Variants in COG5 observed in about 807,000 individuals in gnomAD.
COG5 encodes conserved oligomeric Golgi complex subunit 5.
In COG5, 86 loss-of-function variants were observed where a neutral mutation model predicts 110.4. That is an observed-to-expected ratio of 0.78 (90% CI 0.65 to 0.93). The LOEUF (loss-of-function observed/expected upper bound fraction) is 0.93, where lower values mean the gene tolerates loss of function less well. Ranked by LOEUF, COG5 falls within the 40% of genes least tolerant of loss-of-function variation. COG5 has a pLI of 0.00. For synonymous variants in COG5, 360 were observed against 334.6 expected (o/e 1.08, Z -0.83); for missense variants, 1,077 against 987.0 (o/e 1.09, Z -1.22).
chr7:107,514,341 C>G (rs1240251589), intron 6 of COG5, among the ~76,000 whole-genome samples: 1 of 118,028 alleles, frequency 8.5e-6, no homozygotes, highest in Non-Finnish European at 1.5e-5. Flanking sequence ...CACACACACA[C>G]ACACACACAC....
chr7:107,297,682 A>C (rs2116912933), intron 12 of COG5, among the ~76,000 whole-genome samples: 1 of 152,038 alleles, frequency 6.6e-6, no homozygotes, highest in South Asian at 2.1e-4. Context: ...CTCCTGACCT[A>C]GTGATCCACT....
At chr7:107,548,013 C>T (rs1359194227) in intron 5 of COG5, 98 bp downstream of exon 5, 14 of 975,048 alleles carry the variant, frequency 1.4e-5, no homozygotes, top group African/African-American at 4.9e-5. Context: ...CTTCTGTTCC[C>T]ATTCTCTTAC....
chr7:107,520,310 A>G (rs1800235110), intron 6 of COG5, among the ~76,000 whole-genome samples: 2 of 152,222 alleles, frequency 1.3e-5, no homozygotes, highest in South Asian at 4.1e-4. Flanking sequence ...AGCAGGCAAC[A>G]GAAAGAAATA....
At chr7:107,487,490 C>T (rs1034722155) in intron 6 of COG5, among the ~76,000 whole-genome samples, 4 of 151,902 alleles carry the variant, frequency 2.6e-5, no homozygotes, top group East Asian at 3.9e-4. Context: ...TGTGAGGCAC[C>T]GTGCCTGGCT....
intron 6 of COG5, among the ~76,000 whole-genome samples, chr7:107,459,100 A>C (rs1310819835): frequency 1.3e-5 from 2 of 152,098 alleles, no homozygotes; most frequent in African/African-American, 4.8e-5. Flanking sequence ...TGTAACCCTA[A>C]CCATATGAAA....
intron 19 of COG5, among the ~76,000 whole-genome samples, chr7:107,213,530 C>T (rs1799317918): frequency 6.6e-6 from 1 of 152,234 alleles, no homozygotes; most frequent in South Asian, 2.1e-4. Flanking sequence ...CAGGGAAATA[C>T]ACTTTGTGAC....
At chr7:107,476,168 T>C (rs573566533) in intron 6 of COG5, among the ~76,000 whole-genome samples, 4 of 90,824 alleles carry the variant, frequency 4.4e-5, no homozygotes, top group Admixed American at 1.3e-4. Context: ...TCTGGATTAA[T>C]ATAGTGCAAT....
chr7:107,393,819 G>A (rs541128687), intron 7 of COG5, among the ~76,000 whole-genome samples: 1 of 152,208 alleles, frequency 6.6e-6, no homozygotes, highest in South Asian at 2.1e-4. Flanking sequence ...CTTCTCTTTG[G>A]ATAATCAATA....
intron 12 of COG5, among the ~76,000 whole-genome samples, chr7:107,285,290 G>C (rs1218183316): frequency 1.3e-5 from 2 of 152,130 alleles, no homozygotes; most frequent in Non-Finnish European, 2.9e-5. Context: ...CTCTGTTGAA[G>C]TCCGAGCCAT....
intron 13 of COG5, among the ~76,000 whole-genome samples, chr7:107,283,091 C>T (rs1383287976): frequency 2.0e-5 from 3 of 152,136 alleles, no homozygotes; most frequent in African/African-American, 7.2e-5. Flanking sequence ...AGGATATCTT[C>T]CCTTTTTAGT....
At chr7:107,544,238 GA>G (rs1233643562) in intron 5 of COG5, among the ~76,000 whole-genome samples, 1 of 151,714 alleles carries the variant, frequency 6.6e-6, no homozygotes, top group African/African-American at 2.4e-5. Context: ...AGGTGCCAGT[GA>G]AAGCCAGGCA....
At chr7:107,296,256 C>T (rs1161442687) in intron 12 of COG5, among the ~76,000 whole-genome samples, 6 of 150,534 alleles carry the variant, frequency 4.0e-5, no homozygotes, top group Non-Finnish European at 8.9e-5. Flanking sequence ...GCAGAAAATA[C>T]AAAATTAGGA....
At chr7:107,431,750 G>A (rs773281040) in intron 6 of COG5, among the ~76,000 whole-genome samples, 3 of 152,048 alleles carry the variant, frequency 2.0e-5, no homozygotes, top group Non-Finnish European at 4.4e-5. Context: ...TCAGGATACT[G>A]AGGCTCAACT....
chr7:107,504,648 A>AT (rs537742030), intron 6 of COG5, among the ~76,000 whole-genome samples: 4 of 151,984 alleles, frequency 2.6e-5, no homozygotes, highest in East Asian at 1.9e-4. Context: ...TTTGTTGGCA[A>AT]TTTTTTTTAT....
At chr7:107,297,719 G>T (rs1376987035) in intron 12 of COG5, among the ~76,000 whole-genome samples, 1 of 152,022 alleles carries the variant, frequency 6.6e-6, no homozygotes, top group African/African-American at 2.4e-5. Context: ...CATTGACTGA[G>T]AACCTATCCC....
chr7:107,531,361 C>T (rs1185272413), intron 5 of COG5, among the ~76,000 whole-genome samples: 1 of 152,114 alleles, frequency 6.6e-6, no homozygotes. Context: ...GATTTTCTCT[C>T]TTTTTGTGTT....
chr7:107,383,448 C>T (rs1815304216), intron 7 of COG5, among the ~76,000 whole-genome samples: 1 of 152,186 alleles, frequency 6.6e-6, no homozygotes, highest in Non-Finnish European at 1.5e-5. Context: ...GGTTAATATC[C>T]ATGGCATAAA....
intron 2 of COG5, among the ~76,000 whole-genome samples, chr7:107,557,544 T>A (rs1273390706): frequency 6.6e-6 from 1 of 152,238 alleles, no homozygotes; most frequent in African/African-American, 2.4e-5. Context: ...CATCTCATAT[T>A]GTATCCTACT....
At chr7:107,399,922 G>A (rs558351505) in intron 7 of COG5, among the ~76,000 whole-genome samples, 11 of 152,160 alleles carry the variant, frequency 7.2e-5, no homozygotes, top group Admixed American at 3.9e-4. Flanking sequence ...TCAAATGTTG[G>A]CAACAATCTG....
Sources: allele counts gnomAD v4.1 joint callset (sites outside exome capture counted in the v4.1 genomes callset), GRCh38; gene constraint gnomAD v4.1.1; transcripts MANE v1.5; gene names NCBI Gene and HGNC (gene_info 2026-07-23, HGNC 2026-07-21).